EPM2A: variants seen among roughly 807,000 people sequenced by gnomAD.
The protein encoded by EPM2A is laforin.
In EPM2A, 21 loss-of-function variants were observed where a neutral mutation model predicts 26.5. That is an observed-to-expected ratio of 0.79 (90% confidence interval 0.56 to 1.14). The LOEUF is 1.14. EPM2A is among the 50% of genes most tolerant of loss of function. EPM2A has a pLI of 0.00. For missense variants in EPM2A, 458 were observed against 440.8 expected (o/e 1.04, Z -0.35); for synonymous variants, 217 against 177.6 (o/e 1.22, Z -1.76).
rs550509840 is a variant in EPM2A at position 145,468,059 on chromosome 6, G to A, written c.555+34463C>T. On this transcript the variant is annotated intron_variant, in intron 4 of 4. Transcript: ENST00000638717. ...GGATATATGCTAGTTTAATCCTTGC[G>A]TAACCAATGAATACATGTGTCTGTC... 5.9e-4 allele frequency among the ~76,000 whole-genome samples: 90 copies of A among 151,788 alleles called. 1 individual carries two copies. Among genetic ancestry groups the A allele is most frequent in the East Asian group, 2.9e-3 (15 of 5,160 alleles).
At chr6:145,545,087 A>G (rs899949829) in intron 2 of EPM2A, among the ~76,000 whole-genome samples, 2 of 152,164 alleles carry the variant, frequency 1.3e-5, no homozygotes, top group East Asian at 3.9e-4. Context: ...AAGTCTATGC[A>G]GTTCTTTCTA....
intron 4 of EPM2A, among the ~76,000 whole-genome samples, chr6:145,389,812 C>G (rs1049802832): frequency 3.3e-5 from 5 of 152,134 alleles, no homozygotes; most frequent in African/African-American, 7.2e-5. Flanking sequence ...CCCTCCTCCC[C>G]AAGAAGCCAT....
At chr6:145,417,329 G>C in intron 4 of EPM2A, among the ~76,000 whole-genome samples, 1 of 152,138 alleles carries the variant, frequency 6.6e-6, no homozygotes, top group Non-Finnish European at 1.5e-5. Flanking sequence ...ATTTTGTGCC[G>C]CAGAATACAG....
chr6:145,516,406 A>T (rs977511448), intron 2 of EPM2A, among the ~76,000 whole-genome samples: 4 of 152,196 alleles, frequency 2.6e-5, no homozygotes, highest in Non-Finnish European at 5.9e-5. Context: ...TGTCAAGATG[A>T]ACTAGGAGTT....
chr6:145,563,064 C>G (rs1035142128), intron 2 of EPM2A, among the ~76,000 whole-genome samples: 5 of 151,716 alleles, frequency 3.3e-5, no homozygotes, highest in Admixed American at 2.0e-4. Context: ...GGCAGACACT[C>G]GAGCTGATCT....
chr6:145,580,418 T>A (rs1781096884), intron 2 of EPM2A, among the ~76,000 whole-genome samples: 1 of 152,220 alleles, frequency 6.6e-6, no homozygotes, highest in Non-Finnish European at 1.5e-5. Flanking sequence ...TGTATTCACA[T>A]TTAATTGACT....
intron 2 of EPM2A, among the ~76,000 whole-genome samples, chr6:145,657,720 G>C (rs1938224857): frequency 6.6e-6 from 1 of 152,140 alleles, no homozygotes; most frequent in South Asian, 2.1e-4. Context: ...ATTTTTATTA[G>C]AACTTTAGGA....
intron 4 of EPM2A, among the ~76,000 whole-genome samples, chr6:145,474,489 T>C (rs1212129747): frequency 6.6e-6 from 1 of 151,812 alleles, no homozygotes; most frequent in Non-Finnish European, 1.5e-5. Context: ...AATAAAAGAC[T>C]TAAAAATGAG....
At chr6:145,424,450 G>A (rs970929619) in intron 4 of EPM2A, among the ~76,000 whole-genome samples, 1 of 152,156 alleles carries the variant, frequency 6.6e-6, no homozygotes, top group African/African-American at 2.4e-5. Flanking sequence ...AATAAGTAAC[G>A]AAGCTTATAG....
At chr6:145,500,213 G>C (rs933711127), downstream of EPM2A, among the ~76,000 whole-genome samples, 2 of 152,182 alleles carry the variant, frequency 1.3e-5, no homozygotes, top group South Asian at 2.1e-4. Context: ...TTTAGAGAGA[G>C]AGTCGTCAAA....
At chr6:145,673,827 T>A (rs1421706123) in intron 2 of EPM2A, among the ~76,000 whole-genome samples, 1 of 152,156 alleles carries the variant, frequency 6.6e-6, no homozygotes, top group Non-Finnish European at 1.5e-5. Flanking sequence ...CTACTGCCTC[T>A]ATAGACTCCA....
intron 2 of EPM2A, among the ~76,000 whole-genome samples, chr6:145,545,025 C>A (rs1780565936): frequency 6.6e-6 from 1 of 152,168 alleles, no homozygotes; most frequent in African/African-American, 2.4e-5. Context: ...TCCCTTACCT[C>A]CACATTCAAT....
intron 4 of EPM2A, among the ~76,000 whole-genome samples, chr6:145,422,638 G>A (rs905766180): frequency 6.6e-6 from 1 of 151,986 alleles, no homozygotes; most frequent in Non-Finnish European, 1.5e-5. Context: ...CACTTAGGCA[G>A]GGCTCTAAAG....
intron 2 of EPM2A, among the ~76,000 whole-genome samples, chr6:145,537,037 T>C (rs1780441644): frequency 6.6e-6 from 1 of 152,168 alleles, no homozygotes; most frequent in Non-Finnish European, 1.5e-5. Flanking sequence ...TGGTTGGTCC[T>C]AAGTTAGATA....
chr6:145,392,698 A>G (rs989396906), intron 4 of EPM2A, among the ~76,000 whole-genome samples: 4 of 151,956 alleles, frequency 2.6e-5, no homozygotes, highest in African/African-American at 9.7e-5. Flanking sequence ...TTGAATTTGA[A>G]CACCATTTTG....
chr6:145,726,991 A>G (rs1475074876), intron 1 of EPM2A, among the ~76,000 whole-genome samples: 2 of 152,154 alleles, frequency 1.3e-5, no homozygotes, highest in Non-Finnish European at 2.9e-5. Flanking sequence ...AACACTCTGT[A>G]CCGTCTTTGC....
chr6:145,576,476 T>C (rs1030506533), intron 2 of EPM2A, among the ~76,000 whole-genome samples: 19 of 152,160 alleles, frequency 1.2e-4, no homozygotes, highest in Non-Finnish European at 1.5e-5. Flanking sequence ...TTAAAACTAA[T>C]AAACAGGAGT....
At chr6:145,646,323 AT>A (rs1276585641) in intron 2 of EPM2A, among the ~76,000 whole-genome samples, 38 of 148,110 alleles carry the variant, frequency 2.6e-4, no homozygotes, top group East Asian at 1.0e-3. Flanking sequence ...CGCTTGGCTA[AT>A]TTTTTTTTTT....
At chr6:145,580,545 G>A (rs1299127311) in intron 2 of EPM2A, among the ~76,000 whole-genome samples, 2 of 151,006 alleles carry the variant, frequency 1.3e-5, no homozygotes, top group Non-Finnish European at 2.9e-5. Context: ...TATTTCAAGG[G>A]TACAGGCACA....
Sources: gnomAD v4.1 joint callset for allele counts (sites outside exome capture counted in the v4.1 genomes callset) on GRCh38, gnomAD v4.1.1 for gene constraint, MANE v1.5 for transcripts, NCBI Gene and HGNC (gene_info 2026-07-23, HGNC 2026-07-21) for gene names.